SLC44A5: variants seen among roughly 807,000 people sequenced by gnomAD.
SLC44A5 encodes the protein choline transporter-like protein 5.
In SLC44A5, 57 loss-of-function variants were observed where a neutral mutation model predicts 101.8. That is an observed-to-expected ratio of 0.56 (90% CI 0.45 to 0.70). SLC44A5 has a LOEUF of 0.70. Among genes scored for constraint, SLC44A5 ranks in the 30% least tolerant of loss-of-function variants. The pLI, the probability that SLC44A5 is intolerant of heterozygous loss-of-function variation, is 0.00. For missense variants in SLC44A5, 737 were observed against 853.1 expected (o/e 0.86, Z 1.70); for synonymous variants, 281 against 290.9 (o/e 0.97, Z 0.35).
intron 23 of SLC44A5, among the ~76,000 whole-genome samples, chr1:75,208,080 A>C (rs1348785127): frequency 3.9e-5 from 6 of 152,156 alleles, no homozygotes; most frequent in Admixed American, 1.3e-4. Context: ...CCTTTAAGTG[A>C]AAAGGTGAAA....
At chr1:75,253,539 G>A (rs991410849) in intron 6 of SLC44A5, among the ~76,000 whole-genome samples, 2 of 152,170 alleles carry the variant, frequency 1.3e-5, no homozygotes, top group African/African-American at 4.8e-5. Context: ...ACTACTTTGA[G>A]ATCTACAAGT....
At chr1:75,634,740 G>A in the SLC44A5 span, among the ~76,000 whole-genome samples, 1 of 151,520 alleles carries the variant, frequency 6.6e-6, no homozygotes, top group African/African-American at 2.4e-5. Context: ...TACCATTCAG[G>A]ACATAGGCAT....
upstream of SLC44A5, among the ~76,000 whole-genome samples, chr1:75,614,980 T>TC (rs1675804409): frequency 1.3e-5 from 2 of 151,794 alleles, no homozygotes; most frequent in African/African-American, 4.8e-5. Flanking sequence ...TTGCACCTGC[T>TC]CCCCGCGCGC....
At chr1:75,716,399 A>T in the SLC44A5 span, among the ~76,000 whole-genome samples, 275 of 152,114 alleles carry the variant, frequency 1.8e-3, no homozygotes, top group African/African-American at 6.4e-3. Flanking sequence ...TGGGCTGGGG[A>T]GGTCGAGGCT....
chr1:75,647,724 G>A, the SLC44A5 span, among the ~76,000 whole-genome samples: 1 of 152,182 alleles, frequency 6.6e-6, no homozygotes, highest in Non-Finnish European at 1.5e-5. Flanking sequence ...TGTCCCACTG[G>A]ATTGCAGACT....
intron 2 of SLC44A5, among the ~76,000 whole-genome samples, chr1:75,412,752 T>A (rs1346117215): frequency 6.6e-6 from 1 of 152,176 alleles, no homozygotes; most frequent in Admixed American, 6.6e-5. Context: ...TGATAAAACC[T>A]CACGCTGCCC....
At chr1:75,533,616 G>A (rs932868417) in intron 2 of SLC44A5, among the ~76,000 whole-genome samples, 2 of 152,086 alleles carry the variant, frequency 1.3e-5, no homozygotes, top group African/African-American at 4.8e-5. Flanking sequence ...TCAGACTGAC[G>A]TTATCCATGT....
At chr1:75,255,657 T>C (rs1015926027) in intron 6 of SLC44A5, among the ~76,000 whole-genome samples, 1 of 152,124 alleles carries the variant, frequency 6.6e-6, no homozygotes, top group Non-Finnish European at 1.5e-5. Context: ...ATGAGAGTCA[T>C]AGTTCTTCAG....
intron 1 of SLC44A5, among the ~76,000 whole-genome samples, chr1:75,591,577 T>C (rs1479032283): frequency 1.3e-5 from 2 of 152,066 alleles, no homozygotes; most frequent in Non-Finnish European, 1.5e-5. Flanking sequence ...AAGTCAAAAA[T>C]AGAAAACTAC....
chr1:75,542,189 C>T (rs1023699564), intron 1 of SLC44A5, among the ~76,000 whole-genome samples: 1 of 152,008 alleles, frequency 6.6e-6, no homozygotes, highest in Admixed American at 6.6e-5. Context: ...TAATTTCAGA[C>T]TTACAGAAAA....
At chr1:75,474,521 A>G (rs1303003116) in intron 2 of SLC44A5, among the ~76,000 whole-genome samples, 3 of 152,210 alleles carry the variant, frequency 2.0e-5, no homozygotes, top group Non-Finnish European at 4.4e-5. Context: ...AGTTATTGTC[A>G]TTCATAAAAT....
At chr1:75,570,651 C>T (rs1673025726) in intron 1 of SLC44A5, among the ~76,000 whole-genome samples, 3 of 152,112 alleles carry the variant, frequency 2.0e-5, no homozygotes, top group Non-Finnish European at 4.4e-5. Flanking sequence ...ATGTAGTTTG[C>T]AATGCCTAAA....
At chr1:75,346,223 C>T (rs1658246169) in intron 3 of SLC44A5, among the ~76,000 whole-genome samples, 1 of 152,084 alleles carries the variant, frequency 6.6e-6, no homozygotes, top group Non-Finnish European at 1.5e-5. Context: ...TCCTCCCAGT[C>T]TGAGTAACTT....
At chr1:75,659,493 G>GAAGA in the SLC44A5 span, among the ~76,000 whole-genome samples, 15 of 109,032 alleles carry the variant, frequency 1.4e-4, 1 homozygote, top group East Asian at 1.7e-3. Context: ...AGGAAGGAAG[G>GAAGA]CAGGCAGGCA....
chr1:75,633,932 C>T, the SLC44A5 span, among the ~76,000 whole-genome samples: 6 of 145,536 alleles, frequency 4.1e-5, no homozygotes, highest in African/African-American at 1.5e-4. Context: ...TAGCATGAAG[C>T]ATTGTTGAAT....
chr1:75,501,382 A>G (rs537909410), intron 2 of SLC44A5, among the ~76,000 whole-genome samples: 3 of 152,324 alleles, frequency 2.0e-5, no homozygotes, highest in African/African-American at 7.2e-5. Flanking sequence ...GACAAAATAG[A>G]TAATAAATCA....
chr1:75,500,050 A>G (rs1280024912), intron 2 of SLC44A5, among the ~76,000 whole-genome samples: 1 of 152,214 alleles, frequency 6.6e-6, no homozygotes, highest in African/African-American at 2.4e-5. Context: ...ATACCAATGA[A>G]GGCCAAGATG....
chr1:75,209,479 C>T (rs1646811698), intron 23 of SLC44A5, among the ~76,000 whole-genome samples: 1 of 152,160 alleles, frequency 6.6e-6, no homozygotes, highest in Non-Finnish European at 1.5e-5. Flanking sequence ...CCATCCCATA[C>T]CTGAACTGTT....
chr1:75,669,278 A>G, the SLC44A5 span, among the ~76,000 whole-genome samples: 2 of 152,116 alleles, frequency 1.3e-5, no homozygotes, highest in African/African-American at 4.8e-5. Flanking sequence ...ACCCAGTCCC[A>G]TTCCTGAATT....
Sources: gnomAD v4.1 joint callset for allele counts (sites outside exome capture counted in the v4.1 genomes callset) on GRCh38, gnomAD v4.1.1 for gene constraint, MANE v1.5 for transcripts, NCBI Gene and HGNC (gene_info 2026-07-23, HGNC 2026-07-21) for gene names.